Variants in CRACD observed in about 807,000 individuals in gnomAD.
CRACD encodes the protein capping protein inhibiting regulator of actin dynamics.
A neutral mutation model predicts 106.8 loss-of-function variants in CRACD; 56 were observed. The ratio of observed to expected loss-of-function variants is 0.52; its 90% CI spans 0.42 to 0.66. The LOEUF is 0.66. CRACD is among the 30% of genes least tolerant of loss of function. CRACD has a pLI of 0.00. For synonymous variants in CRACD, 754 were observed against 670.8 expected (o/e 1.12, Z -1.92); for missense variants, 1,730 against 1,623.2 (o/e 1.07, Z -1.13).
In CRACD at chr4:56,330,502, C is replaced by G. The variant is rs181243500; in HGVS notation, c.*2698C>G. On this transcript the variant is annotated 3_prime_UTR_variant, in exon 11 of 11. Transcript: ENST00000682029. ...GTAAAGTAGAGACTTAATGAAAATA[C>G]CTTAGTGTGATTTTAATATAATTTG... Among the ~76,000 whole-genome samples, 1 of 152,026 alleles carries G rather than the reference C, an allele frequency of 6.6e-6. No homozygotes were observed. Among genetic ancestry groups the G allele is most frequent in the Non-Finnish European group, 1.5e-5 (1 of 67,966 alleles).
At chr4:56,241,492 G>A (rs1269070580) in intron 2 of CRACD, among the ~76,000 whole-genome samples, 1 of 151,942 alleles carries the variant, frequency 6.6e-6, no homozygotes, top group African/African-American at 2.4e-5. Context: ...AGGGACTTCT[G>A]TTTCTCTTTG....
At chr4:56,085,632 T>A (rs922016821) in intron 1 of CRACD, among the ~76,000 whole-genome samples, 8 of 152,214 alleles carry the variant, frequency 5.3e-5, no homozygotes, top group African/African-American at 1.7e-4. Flanking sequence ...TTTGGTTTTG[T>A]TTATTTGTTA....
intron 3 of CRACD, among the ~76,000 whole-genome samples, chr4:56,274,723 A>G (rs1386787228): frequency 6.6e-6 from 1 of 152,228 alleles, no homozygotes; most frequent in Admixed American, 6.5e-5. Context: ...ATATAAAAGG[A>G]TAAGCTTTGG....
chr4:56,326,544 G>A (rs532278907), intron 10 of CRACD, among the ~76,000 whole-genome samples: 1 of 152,304 alleles, frequency 6.6e-6, no homozygotes, highest in African/African-American at 2.4e-5. Context: ...AGAAGCATAT[G>A]TGTAAGCCAT....
intron 1 of CRACD, among the ~76,000 whole-genome samples, chr4:56,130,352 G>A (rs1233709418): frequency 2.6e-5 from 4 of 152,114 alleles, no homozygotes; most frequent in Non-Finnish European, 5.9e-5. Flanking sequence ...TTAATGTAAT[G>A]TATATAGGAA....
intron 1 of CRACD, among the ~76,000 whole-genome samples, chr4:56,134,946 T>C (rs11133423): frequency 0.27 from 40,423 of 151,210 alleles, 5,828 homozygotes; most frequent in East Asian, 0.53. Flanking sequence ...TTTTTTTTTT[T>C]CCCCTAAATA....
intron 2 of CRACD, among the ~76,000 whole-genome samples, chr4:56,270,354 C>T (rs1015341530): frequency 1.6e-4 from 25 of 152,104 alleles, no homozygotes; most frequent in Non-Finnish European, 2.9e-5. Flanking sequence ...CCACATCTGG[C>T]AGCACTTCAA....
chr4:56,325,876 A>G lies in CRACD; in HGVS notation c.3541+1610A>G, dbSNP rs150917411. On this transcript the variant is annotated intron_variant, in intron 10 of 10. Transcript: ENST00000682029. ...ATTAAAGATATATTTACTACTGGTG[A>G]CACGGAGGGAAGCTTTATATTTGTT... Among the ~76,000 whole-genome samples the G allele has an allele frequency of 4.9e-4, 75 of 152,282 alleles. 1 individual carries two copies. The East Asian group carries it at 0.014, about 28-fold the overall frequency.
At chr4:56,107,948 C>T (rs931748606) in intron 1 of CRACD, among the ~76,000 whole-genome samples, 1 of 152,196 alleles carries the variant, frequency 6.6e-6, no homozygotes, top group African/African-American at 2.4e-5. Flanking sequence ...TGCACATCAA[C>T]ACTGTGTACG....
At chr4:56,293,345 G>T (rs891699613) in intron 3 of CRACD, among the ~76,000 whole-genome samples, 8 of 152,148 alleles carry the variant, frequency 5.3e-5, no homozygotes, top group African/African-American at 1.7e-4. Context: ...GATTTTAGAA[G>T]CATTGTGTAA....
At chr4:56,270,611 C>G (rs907990875) in intron 2 of CRACD, among the ~76,000 whole-genome samples, 3 of 152,074 alleles carry the variant, frequency 2.0e-5, no homozygotes, top group Non-Finnish European at 4.4e-5. Context: ...ACTTCTTACT[C>G]CCTGTTCAAA....
intron 1 of CRACD, among the ~76,000 whole-genome samples, chr4:56,134,506 C>T (rs907490068): frequency 1.3e-5 from 2 of 152,190 alleles, no homozygotes; most frequent in African/African-American, 4.8e-5. Context: ...CGGATGTGCT[C>T]TGCTTCTGGG....
chr4:56,156,275 T>G (rs1735760894), intron 1 of CRACD, among the ~76,000 whole-genome samples: 1 of 152,164 alleles, frequency 6.6e-6, no homozygotes, highest in Non-Finnish European at 1.5e-5. Context: ...TGTTGTCACT[T>G]TAAAAGTCCC....
At position 56,117,390 on chromosome 4, in the gene CRACD, C is replaced by G. The variant is rs190210389; in HGVS notation, c.-335-61894C>G. On this transcript the variant is annotated intron_variant, in intron 1 of 10. Transcript: ENST00000682029. ...GGATATTATGCTAAGTGAAATAAGC[C>G]AGTCACAAAAAGACAAATACTGTGT... is the stretch of plus-strand genomic sequence containing the variant. Among the ~76,000 whole-genome samples, 436 of 152,076 alleles carry G rather than the reference C, an allele frequency of 2.9e-3. 1 individual carries two copies. The highest frequency in any genetic ancestry group is 4.3e-3 in the Non-Finnish European group (293 of 68,016).
rs370561075 is a variant in CRACD at position 56,081,524 on chromosome 4, A to G, written c.-336+32225A>G. On this transcript the variant is annotated intron_variant, in intron 1 of 10. Transcript: ENST00000682029. ...GTTGCAAGACATTAAAAGTAAAATT[A>G]ATGCTGCACATTTGTAAAGGAAAAT... 4.6e-5 allele frequency among the ~76,000 whole-genome samples: 7 copies of G among 152,236 alleles called. No individual in the cohort carries two copies. The East Asian group carries it at 9.6e-4, about 21-fold the overall frequency.
intron 2 of CRACD, among the ~76,000 whole-genome samples, chr4:56,205,930 A>G (rs1738103078): frequency 6.6e-6 from 1 of 152,236 alleles, no homozygotes; most frequent in Admixed American, 6.5e-5. Context: ...GTGTGAACAG[A>G]TTGATATAAA....
chr4:56,307,457 G>C (rs896366604), intron 4 of CRACD, 78 bp from the exon 5 acceptor site: 35 of 1,463,648 alleles, frequency 2.4e-5, no homozygotes, highest in Non-Finnish European at 3.3e-5. Flanking sequence ...GTGCTCACTA[G>C]ACATGCTGGA....
chr4:56,109,299 T>A (rs1734044337), intron 1 of CRACD, among the ~76,000 whole-genome samples: 1 of 152,242 alleles, frequency 6.6e-6, no homozygotes, highest in Non-Finnish European at 1.5e-5. Context: ...TTGATAATTG[T>A]CCATGATCAT....
chr4:56,267,274 C>G (rs1026842203), intron 2 of CRACD, among the ~76,000 whole-genome samples: 2 of 152,096 alleles, frequency 1.3e-5, no homozygotes, highest in East Asian at 3.9e-4. Context: ...GCACCAGCCA[C>G]CACGCCCAGC....
Sources: gnomAD v4.1 joint callset for allele counts (sites outside exome capture counted in the v4.1 genomes callset) on GRCh38, gnomAD v4.1.1 for gene constraint, MANE v1.5 for transcripts, NCBI Gene and HGNC (gene_info 2026-07-23, HGNC 2026-07-21) for gene names.